MCTP1: variants seen among roughly 807,000 people sequenced by gnomAD.
The protein encoded by MCTP1 is multiple C2 and transmembrane domain-containing protein 1.
Under a neutral mutation model 120.6 loss-of-function variants are expected in MCTP1, and 69 were observed. The ratio of observed to expected loss-of-function variants is 0.57; its 90% CI spans 0.47 to 0.70. MCTP1 has a LOEUF of 0.70. Ranked by LOEUF, MCTP1 falls within the 30% of genes least tolerant of loss-of-function variation. The pLI is 0.00. For synonymous variants in MCTP1, 529 were observed against 493.1 expected, an observed-to-expected ratio of 1.07 and a Z score of -0.96; for missense variants, 1,203 against 1,248.8, an observed-to-expected ratio of 0.96 and a Z score of 0.55.
chr5:94,871,889 G>A (rs1797913534), intron 13 of MCTP1, among the ~76,000 whole-genome samples: 1 of 151,780 alleles, frequency 6.6e-6, no homozygotes, highest in South Asian at 2.1e-4. Flanking sequence ...TTTGTTTATA[G>A]CTCTCACTAG....
At chr5:95,152,664 G>A (rs1744665045) in intron 1 of MCTP1, among the ~76,000 whole-genome samples, 1 of 152,168 alleles carries the variant, frequency 6.6e-6, no homozygotes, top group Admixed American at 6.5e-5. Context: ...GCAGGGAGGT[G>A]AAGGAAAAAT....
chr5:95,019,313 A>G (rs2153671000), intron 1 of MCTP1, among the ~76,000 whole-genome samples: 1 of 152,152 alleles, frequency 6.6e-6, no homozygotes, highest in Admixed American at 6.6e-5. Context: ...AATTTCAAGT[A>G]TACAATTCAG....
intron 17 of MCTP1, among the ~76,000 whole-genome samples, chr5:94,800,530 G>T (rs1032408183): frequency 3.3e-5 from 5 of 152,110 alleles, no homozygotes; most frequent in Non-Finnish European, 5.9e-5. Context: ...AGTATGAAAT[G>T]GTAGAGAGAC....
chr5:95,088,501 C>T (rs537036289), intron 1 of MCTP1, among the ~76,000 whole-genome samples: 9 of 152,336 alleles, frequency 5.9e-5, no homozygotes, highest in African/African-American at 2.2e-4. Flanking sequence ...CTCACAGAAA[C>T]TCTGTGAAGC....
intron 1 of MCTP1, among the ~76,000 whole-genome samples, chr5:95,233,448 C>T (rs1005300948): frequency 6.6e-6 from 1 of 152,024 alleles, no homozygotes; most frequent in South Asian, 2.1e-4. Context: ...TCTGCCTCAG[C>T]CTCCCAAGTA....
chr5:94,749,371 T>C (rs1229800236), intron 19 of MCTP1, among the ~76,000 whole-genome samples: 1 of 152,040 alleles, frequency 6.6e-6, no homozygotes, highest in Non-Finnish European at 1.5e-5. Context: ...AAACATCTTA[T>C]CGGCCAGCTG....
At chr5:94,751,067 G>C (rs1417179149) in intron 19 of MCTP1, among the ~76,000 whole-genome samples, 2 of 152,074 alleles carry the variant, frequency 1.3e-5, no homozygotes, top group Admixed American at 6.6e-5. Flanking sequence ...CCTTAAACAA[G>C]AACAAGCACA....
intron 19 of MCTP1, among the ~76,000 whole-genome samples, chr5:94,762,971 A>T (rs746748939): frequency 7.9e-5 from 12 of 152,218 alleles, no homozygotes; most frequent in Non-Finnish European, 1.6e-4. Flanking sequence ...TGCTACACAA[A>T]TATATCTCAG....
In MCTP1 at chr5:94,707,504, G is replaced by A. The variant is rs768467284; in HGVS notation, c.2992C>T (p.Leu998Phe). 1 of 1,611,172 alleles carries A rather than the reference G, an allele frequency of 6.2e-7. No homozygotes were observed. Among genetic ancestry groups the A allele is most frequent in the Non-Finnish European group, 8.5e-7 (1 of 1,178,066 alleles). The change falls in exon 23 of 23, where the codon CTT becomes TTT. Residue 998 changes from leucine (L) to phenylalanine (F), a missense_variant. Physicochemically the swap from Leu to Phe is conservative, Grantham distance 22 (BLOSUM62 0). Coordinates refer to ENST00000515393, the MANE Select transcript of MCTP1 (RefSeq NM_024717.7). ...TCAGTGCTGGGAGCTGGCTAGCCAA[G>A]ATTGTTTTTCTTTCTTTTATATGGG... ...HSPYKRKKNNLG is the reference protein window; with the variant it reads ...HSPYKRKKNNFG
In MCTP1 at chr5:94,867,687, T is replaced by C. The variant is rs1236931830; in HGVS notation, c.2436+646A>G. 6 of 281,658 alleles carry C rather than the reference T, an allele frequency of 2.1e-5. No individual in the cohort carries two copies. In the South Asian group the frequency reaches 5.9e-4, roughly 27 times the overall value. 17.4% of individuals were successfully genotyped at this position (281,658 alleles called of 1,614,324 possible). A position where few individuals can be genotyped will look rare whatever the true frequency, so the allele number is the denominator to read the frequency against. On this transcript the variant is annotated intron_variant, in intron 17 of 22. Coordinates refer to ENST00000515393, the MANE Select transcript of MCTP1 (RefSeq NM_024717.7). ...TAAAGCTCAGAGCAAAGTATTCTTT[T>C]GGATTTTCTAGCTCTGCCAGTTGGT...
intron 1 of MCTP1, among the ~76,000 whole-genome samples, chr5:95,276,954 AAAACAAACAAAC>A (rs375143230): frequency 6.6e-6 from 1 of 151,928 alleles, no homozygotes; most frequent in Admixed American, 6.6e-5. Flanking sequence ...TCGGTCTCAA[AAAACAAACAAAC>A]AAACAAACAA....
intron 1 of MCTP1, among the ~76,000 whole-genome samples, chr5:95,024,770 C>G (rs1838916840): frequency 6.6e-6 from 1 of 151,882 alleles, no homozygotes. Flanking sequence ...AGTGGTATTT[C>G]CATATGCCAA....
intron 1 of MCTP1, among the ~76,000 whole-genome samples, chr5:95,183,845 A>G (rs1419285895): frequency 6.6e-6 from 1 of 152,240 alleles, no homozygotes; most frequent in African/African-American, 2.4e-5. Flanking sequence ...AGAAGGGTGA[A>G]GAGCAACTGA....
intron 19 of MCTP1, among the ~76,000 whole-genome samples, chr5:94,778,378 C>A (rs1266272653): frequency 6.6e-6 from 1 of 152,100 alleles, no homozygotes; most frequent in Non-Finnish European, 1.5e-5. Context: ...GCATCACTAT[C>A]CTCCTTGCCA....
In MCTP1 at chr5:94,954,079, C is replaced by A. The variant is rs1213095870; in HGVS notation, c.839-718G>T. On this transcript the variant is annotated intron_variant, in intron 2 of 22. Transcript: ENST00000515393. ...ATACAAATATATATGCATATATATA[C>A]AAATATATATGTGCATATATATACA... Among the ~76,000 whole-genome samples, 3 of 86,148 alleles carry A rather than the reference C, an allele frequency of 3.5e-5. 1 individual carries two copies. Among genetic ancestry groups the A allele is most frequent in the Non-Finnish European group, 4.3e-5 (2 of 46,124 alleles). The allele number at this position is 86,148 out of a possible 152,430, so 56.5% of individuals were successfully genotyped here.
At chr5:94,855,257 AC>A in intron 17 of MCTP1, among the ~76,000 whole-genome samples, 1 of 151,840 alleles carries the variant, frequency 6.6e-6, no homozygotes, top group East Asian at 1.9e-4. Flanking sequence ...AGATAAAGTT[AC>A]AGCAAATTTG....
At chr5:95,098,345 T>C (rs1211205743) in intron 1 of MCTP1, among the ~76,000 whole-genome samples, 1 of 152,256 alleles carries the variant, frequency 6.6e-6, no homozygotes, top group Non-Finnish European at 1.5e-5. Context: ...CCTTAATCTG[T>C]ATGCAATCTT....
chr5:95,264,164 T>C (rs1012418008), intron 1 of MCTP1, among the ~76,000 whole-genome samples: 2 of 152,240 alleles, frequency 1.3e-5, no homozygotes, highest in African/African-American at 4.8e-5. Context: ...AGTGGATTTA[T>C]CCCTTGAGCG....
intron 1 of MCTP1, among the ~76,000 whole-genome samples, chr5:95,039,212 TA>T (rs1322733912): frequency 3.3e-5 from 5 of 152,204 alleles, no homozygotes; most frequent in South Asian, 2.1e-4. Context: ...GATAAGAACC[TA>T]AATTTGATTG....
Sources: allele counts gnomAD v4.1 joint callset (sites outside exome capture counted in the v4.1 genomes callset), GRCh38; gene constraint gnomAD v4.1.1; transcripts MANE v1.5; gene names NCBI Gene and HGNC (gene_info 2026-07-23, HGNC 2026-07-21).